The following PCDH15 variants were observed in gnomAD, a reference collection of about 807,000 sequenced individuals.
PCDH15 encodes protocadherin related 15, also known as protocadherin-15.
A neutral mutation model predicts 178.5 loss-of-function variants in PCDH15; 129 were observed. The observed-to-expected ratio is 0.72, with a 90% confidence interval of 0.63 to 0.84. PCDH15 has a LOEUF of 0.84. PCDH15 is among the 40% of genes least tolerant of loss of function. PCDH15 has a pLI of 0.00. For missense variants in PCDH15, 2,230 were observed against 2,099.9 expected (o/e 1.06, Z -1.21); for synonymous variants, 800 against 732.0 (o/e 1.09, Z -1.50).
intron 2 of PCDH15, among the ~76,000 whole-genome samples, chr10:54,554,639 A>G (rs2086971974): frequency 1.3e-5 from 2 of 152,186 alleles, no homozygotes; most frequent in South Asian, 4.1e-4. Context: ...GAATGAATCA[A>G]TTTGAAACTT....
At chr10:55,338,982 C>T (rs1844477915) in intron 2 of PCDH15, among the ~76,000 whole-genome samples, 1 of 151,106 alleles carries the variant, frequency 6.6e-6, no homozygotes, top group South Asian at 2.1e-4. Flanking sequence ...TTACCAGAGG[C>T]TTGGAAGAGT....
At chr10:54,042,291 A>G (rs1260735681) in intron 18 of PCDH15, among the ~76,000 whole-genome samples, 3 of 152,108 alleles carry the variant, frequency 2.0e-5, no homozygotes, top group Admixed American at 1.3e-4. Context: ...CATTTGCCCA[A>G]GTCAATAGTT....
intron 26 of PCDH15, among the ~76,000 whole-genome samples, chr10:53,875,946 C>T (rs967497135): frequency 3.3e-5 from 5 of 152,010 alleles, no homozygotes; most frequent in Admixed American, 6.6e-5. Context: ...ACTTTCAAAC[C>T]CATTAAAGTT....
At chr10:54,223,684 AT>A (rs767413295) in intron 9 of PCDH15, among the ~76,000 whole-genome samples, 14 of 151,692 alleles carry the variant, frequency 9.2e-5, no homozygotes, top group Non-Finnish European at 1.8e-4. Context: ...GACCTAAACT[AT>A]ATAATTACCA....
At chr10:54,723,076 C>T (rs1340766251) in intron 1 of PCDH15, among the ~76,000 whole-genome samples, 1 of 151,292 alleles carries the variant, frequency 6.6e-6, no homozygotes, top group African/African-American at 2.4e-5. Context: ...AAAATAGATC[C>T]CAAATAGCCA....
intron 3 of PCDH15, among the ~76,000 whole-genome samples, chr10:54,385,648 A>C (rs1207417885): frequency 6.6e-6 from 1 of 152,186 alleles, no homozygotes; most frequent in Non-Finnish European, 1.5e-5. Flanking sequence ...TGAGAGGTTA[A>C]TCCAGCCAAA....
chr10:55,343,006 C>T (rs1481069173), intron 2 of PCDH15, among the ~76,000 whole-genome samples: 1 of 152,102 alleles, frequency 6.6e-6, no homozygotes. Context: ...TGCATAGAGG[C>T]ATAAGGGACC....
intron 8 of PCDH15, among the ~76,000 whole-genome samples, chr10:54,245,153 C>A (rs2055797819): frequency 6.6e-6 from 1 of 152,018 alleles, no homozygotes; most frequent in African/African-American, 2.4e-5. Context: ...ACAAGGACAA[C>A]AAATATGAAA....
chr10:54,487,427 G>A (rs1233762290), intron 3 of PCDH15, among the ~76,000 whole-genome samples: 1 of 151,930 alleles, frequency 6.6e-6, no homozygotes, highest in Non-Finnish European at 1.5e-5. Context: ...TACACTAAAA[G>A]CCCTGACTTC....
chr10:54,756,339 A>G (rs1490414603), intron 1 of PCDH15, among the ~76,000 whole-genome samples: 1 of 152,108 alleles, frequency 6.6e-6, no homozygotes, highest in African/African-American at 2.4e-5. Context: ...ACGTGTCCCT[A>G]TCCTTTATAT....
intron 2 of PCDH15, among the ~76,000 whole-genome samples, chr10:55,574,774 C>T: frequency 6.6e-6 from 1 of 151,904 alleles, no homozygotes; most frequent in Non-Finnish European, 1.5e-5. Context: ...AATGCAGCTG[C>T]TGCAAGAACC....
intron 2 of PCDH15, among the ~76,000 whole-genome samples, chr10:54,996,213 C>A (rs900021265): frequency 6.6e-6 from 1 of 152,128 alleles, no homozygotes; most frequent in African/African-American, 2.4e-5. Flanking sequence ...ATTCTCTCTT[C>A]GGCCCTGCCA....
At chr10:54,619,283 T>C (rs939838866) in intron 2 of PCDH15, 6 of 152,006 alleles carry the variant, frequency 3.9e-5, no homozygotes, top group Non-Finnish European at 1.5e-5. Flanking sequence ...TTCTCTCACA[T>C]GGCAGACTGG....
At chr10:55,227,675 T>G (rs567976597) in intron 1 of PCDH15, among the ~76,000 whole-genome samples, 3 of 152,208 alleles carry the variant, frequency 2.0e-5, no homozygotes, top group East Asian at 3.9e-4. Flanking sequence ...TAACCTGTAT[T>G]GGCAGGATAA....
chr10:55,019,067 C>T (rs1840259245), intron 2 of PCDH15, among the ~76,000 whole-genome samples: 1 of 152,056 alleles, frequency 6.6e-6, no homozygotes, highest in South Asian at 2.1e-4. Flanking sequence ...AGCTCTTTAT[C>T]ACCTTTAAAG....
intron 2 of PCDH15, among the ~76,000 whole-genome samples, chr10:55,360,470 G>T (rs748637600): frequency 9.2e-5 from 14 of 151,634 alleles, no homozygotes; most frequent in Non-Finnish European, 1.5e-4. Flanking sequence ...AGAATGGGAG[G>T]AAAAAAATTG....
chr10:54,560,634 T>A (rs2088001806), intron 2 of PCDH15, among the ~76,000 whole-genome samples: 1 of 152,106 alleles, frequency 6.6e-6, no homozygotes, highest in Admixed American at 6.6e-5. Context: ...AATAATCATG[T>A]ATAAAGGTGT....
intron 3 of PCDH15, among the ~76,000 whole-genome samples, chr10:54,459,955 T>C (rs1351407563): frequency 6.6e-6 from 1 of 152,178 alleles, no homozygotes; most frequent in Non-Finnish European, 1.5e-5. Flanking sequence ...GACTTAGCTC[T>C]TTCTATTTGC....
At chr10:54,779,346 G>A (rs964652095) in intron 1 of PCDH15, among the ~76,000 whole-genome samples, 15 of 146,892 alleles carry the variant, frequency 1.0e-4, no homozygotes, top group Non-Finnish European at 1.5e-5. Flanking sequence ...CTAGGATTCA[G>A]TAATAAGCAC....
Sources: gnomAD v4.1 joint callset for allele counts (sites outside exome capture counted in the v4.1 genomes callset) on GRCh38, gnomAD v4.1.1 for gene constraint, MANE v1.5 for transcripts, NCBI Gene and HGNC (gene_info 2026-07-23, HGNC 2026-07-21) for gene names.